Variants in RPS27 observed in about 807,000 individuals in gnomAD.
The protein encoded by RPS27 is small ribosomal subunit protein eS27.
Under a neutral mutation model 11.8 loss-of-function variants are expected in RPS27, and 1 was observed. The ratio of observed to expected loss-of-function variants is 0.08; its 90% CI spans 0.03 to 0.40. RPS27 has a LOEUF of 0.40. Among genes scored for constraint, RPS27 ranks in the 10% least tolerant of loss-of-function variants. The pLI is 0.98. For missense variants in RPS27, 44 were observed against 100.1 expected, an observed-to-expected ratio of 0.44 and a Z score of 2.39; for synonymous variants, 42 against 33.8, an observed-to-expected ratio of 1.24 and a Z score of -0.84.
intron 3 of RPS27, 80 bp from the exon 4 acceptor site, chr1:153,991,985 A>G (rs1460735491): frequency 4.0e-6 from 5 of 1,261,360 alleles, no homozygotes; most frequent in Non-Finnish European, 5.8e-6. Context: ...TGGGTGGATC[A>G]TCATGCATCT....
chr1:153,991,834 C>G (rs972647418), intron 3 of RPS27, 158 bp downstream of exon 3: 3 of 667,098 alleles, frequency 4.5e-6, no homozygotes, highest in Admixed American at 5.7e-5. Context: ...TAGATACTAC[C>G]AAAAGCTATG....
At chr1:153,990,874 G>C (rs1463075596) in intron 1 of RPS27, 72 bp downstream of exon 1, 4 of 1,594,584 alleles carry the variant, frequency 2.5e-6, no homozygotes, top group Non-Finnish European at 3.4e-6. Flanking sequence ...CGCTGATTTC[G>C]GATCGTAGAG....
At chr1:153,991,074 C>A in intron 1 of RPS27, 41 bp from the exon 2 acceptor site, 1 of 1,458,272 alleles carries the variant, frequency 6.9e-7, no homozygotes, top group Non-Finnish European at 9.3e-7. Flanking sequence ...ATCCCATTTT[C>A]GCTGTTGGTT....
At chr1:153,991,360 T>TA in intron 2 of RPS27, 137 bp downstream of exon 2, 3 of 1,512,806 alleles carry the variant, frequency 2.0e-6, no homozygotes, top group Non-Finnish European at 2.6e-6. Flanking sequence ...TTTTCCCTGA[T>TA]ACTCTTAAAA....
intron 3 of RPS27, 24 bp from the exon 4 acceptor site, chr1:153,992,041 A>T (rs745500558): frequency 6.2e-6 from 10 of 1,612,116 alleles, no homozygotes; most frequent in Non-Finnish European, 8.5e-6. Context: ...GATGACAGCT[A>T]ATCTCTGAAT....
rs555564487 is a variant in RPS27, at chr1:153,991,336, G to C, written c.115+113G>C. On this transcript the variant is annotated intron_variant, in intron 2 of 3. Transcript: ENST00000651669. ...GCTGTGCAGCAGCTTCAGTTTCTTC[G>C]CCTGTGGAAAATATTTTCCCTGATA... is the stretch of plus-strand genomic sequence containing the variant. 3.9e-6 allele frequency: 6 copies of C among 1,518,994 alleles called. No individual in the cohort carries two copies. In the East Asian group the frequency reaches 1.5e-4, roughly 37 times the overall value. The allele number at this position is 1,518,994 out of a possible 1,614,324, so 94.1% of individuals were successfully genotyped here. A position where few individuals can be genotyped will look rare whatever the true frequency, so the allele number is the denominator to read the frequency against.
intron 3 of RPS27, 123 bp from the exon 4 acceptor site, chr1:153,991,942 G>T (rs146915876): frequency 6.6e-6 from 6 of 912,998 alleles, no homozygotes; most frequent in Admixed American, 1.9e-5. Context: ...TGCGCAGGTA[G>T]CTAAGAGTTG....
At chr1:153,991,932 T>C in intron 3 of RPS27, 133 bp from the exon 4 acceptor site, 1 of 847,090 alleles carries the variant, frequency 1.2e-6, no homozygotes, top group Non-Finnish European at 2.0e-6. Flanking sequence ...GTGATACAAA[T>C]GCGCAGGTAG....
Position 153,990,821 on chromosome 1 carries a change from G to A in RPS27, c.6+19G>A, listed in dbSNP as rs779530405. 6.2e-7 allele frequency: 1 copy of A among 1,614,200 alleles called. No individual in the cohort carries two copies. Among genetic ancestry groups the A allele is most frequent in the South Asian group, 1.1e-5 (1 of 91,080 alleles). Reference sequence around the variant, plus strand: ...CATGCCTGTGAGTGCTTTGGTCCAGGTTTCGGCGGAGATCTCGCTGTTCTG... The same window carrying A: ...CATGCCTGTGAGTGCTTTGGTCCAGATTTCGGCGGAGATCTCGCTGTTCTG... On this transcript the variant is annotated intron_variant, in intron 1 of 3. Transcript: ENST00000651669.
At chr1:153,991,964 G>A (rs1649435865) in intron 3 of RPS27, 101 bp from the exon 4 acceptor site, 1 of 1,082,428 alleles carries the variant, frequency 9.2e-7, no homozygotes, top group Non-Finnish European at 1.4e-6. Flanking sequence ...GAAAAAAGAT[G>A]TAGCTTTCTG....
chr1:153,992,052 CT>C lies in RPS27; in HGVS notation c.227-8del. On this transcript the variant is annotated splice_polypyrimidine_tract_variant and intron_variant, in intron 3 of 3. Transcript: ENST00000651669. ...TACTGATGACAGCTAATCTCTGAAT[CT>C]TTTTCCTCCAGGATGTTCCTTCAGG... 1.9e-6 allele frequency: 3 copies of C among 1,613,250 alleles called. No homozygotes were observed. Among genetic ancestry groups the C allele is most frequent in the Non-Finnish European group, 2.5e-6 (3 of 1,179,406 alleles).
At chr1:153,991,811 T>C in intron 3 of RPS27, 135 bp downstream of exon 3, 2 of 692,912 alleles carry the variant, frequency 2.9e-6, no homozygotes, top group South Asian at 1.8e-5. Flanking sequence ...GTGTTGGATT[T>C]GGTTGTTTTA....
At position 153,990,815 on chromosome 1, in the gene RPS27, G is replaced by C. The variant is rs777438890; in HGVS notation, c.6+13G>C. ...CGAGAACATGCCTGTGAGTGCTTTG[G>C]TCCAGGTTTCGGCGGAGATCTCGCT... On this transcript the variant is annotated intron_variant, in intron 1 of 3. Transcript: ENST00000651669. The C allele has an allele frequency of 6.2e-7, 1 of 1,614,164 alleles. No individual in the cohort carries two copies. The highest frequency in any genetic ancestry group is 8.5e-7 in the Non-Finnish European group (1 of 1,180,030).
chr1:153,992,043 T>C (rs771512753), intron 3 of RPS27, 22 bp from the exon 4 acceptor site: 1 of 1,612,498 alleles, frequency 6.2e-7, no homozygotes, highest in African/African-American at 1.3e-5. Context: ...TGACAGCTAA[T>C]CTCTGAATCT....
intron 1 of RPS27, 63 bp from the exon 2 acceptor site, chr1:153,991,052 C>A: frequency 7.5e-7 from 1 of 1,332,610 alleles, no homozygotes; most frequent in Non-Finnish European, 1.0e-6. Context: ...ACAGTGGGGG[C>A]TATTTTCGAC....
chr1:153,991,043 C>T (rs1018234982), intron 1 of RPS27, 72 bp from the exon 2 acceptor site: 6 of 1,279,978 alleles, frequency 4.7e-6, no homozygotes, highest in South Asian at 1.4e-5. Context: ...CGGTGTGTGA[C>T]AGTGGGGGCT....
intron 1 of RPS27, 154 bp downstream of exon 1, chr1:153,990,956 A>G: frequency 1.6e-6 from 2 of 1,275,866 alleles, no homozygotes; most frequent in Non-Finnish European, 1.1e-6. Context: ...GGCCACCCGC[A>G]TAGACGGGAG....
intron 1 of RPS27, 121 bp downstream of exon 1, chr1:153,990,923 T>C: frequency 1.4e-6 from 2 of 1,445,034 alleles, no homozygotes; most frequent in African/African-American, 1.4e-5. Flanking sequence ...GGACATTAAC[T>C]CCAGGGACCG....
chr1:153,991,257 C>G (rs1649380943), intron 2 of RPS27, 34 bp downstream of exon 2: 2 of 1,574,254 alleles, frequency 1.3e-6, no homozygotes, highest in Non-Finnish European at 1.7e-6. Context: ...GGGGAAAGCA[C>G]TGGACCTCAA....
Sources: gnomAD v4.1 joint callset for allele counts on GRCh38, gnomAD v4.1.1 for gene constraint, MANE v1.5 for transcripts, NCBI Gene and HGNC (gene_info 2026-07-23, HGNC 2026-07-21) for gene names.